SELENOI: variants seen among roughly 807,000 people sequenced by gnomAD.
The protein encoded by SELENOI is ethanolaminephosphotransferase 1.
Under a neutral mutation model 50.7 loss-of-function variants are expected in SELENOI, and 24 were observed. The observed-to-expected ratio is 0.47, with a 90% CI of 0.34 to 0.67. SELENOI has a LOEUF of 0.67. Ranked by LOEUF, SELENOI falls within the 30% of genes least tolerant of loss-of-function variation. SELENOI has a pLI of 0.01. For synonymous variants in SELENOI, 155 were observed against 170.2 expected (o/e 0.91, Z 0.70); for missense variants, 352 against 461.4 (o/e 0.76, Z 2.17).
rs1281209126 is a variant in SELENOI, at chr2:26,346,146, A to T, written c.-87A>T. ...CTTCTCGGGCAGCCCAGTCTTTGCC[A>T]TCCTTGCCCAGCCGGTGTGGTGCTT... On this transcript the variant is annotated 5_prime_UTR_variant, in exon 1 of 10. Transcript: ENST00000260585. 2 of 1,604,724 alleles carry T rather than the reference A, an allele frequency of 1.2e-6. No homozygotes were observed. Among genetic ancestry groups the T allele is most frequent in the East Asian group, 4.5e-5 (2 of 44,456 alleles).
chr2:26,387,470 C>T (rs981695967), intron 9 of SELENOI, among the ~76,000 whole-genome samples: 1 of 151,684 alleles, frequency 6.6e-6, no homozygotes, highest in Non-Finnish European at 1.5e-5. Context: ...GCGGGTGGAT[C>T]GCTTTAGCTC....
At position 26,390,696 on chromosome 2, in the gene SELENOI, T is replaced by G. The variant is rs1357800483; in HGVS notation, c.*1593T>G. 2.0e-5 allele frequency: 3 copies of G among 152,246 alleles called. No homozygotes were observed. The highest frequency in any genetic ancestry group is 4.4e-5 in the Non-Finnish European group (3 of 68,042). The allele number at this position is 152,246 out of a possible 1,614,324, so 9.4% of individuals were successfully genotyped here. The stretch of plus-strand genomic sequence containing the variant: ...AAGGTTGAGGTGTATTTGGTGACTT[T>G]CTCTGAGACACAGATGAACGTTGGA... On this transcript the variant is annotated 3_prime_UTR_variant, in exon 10 of 10. Coordinates refer to ENST00000260585, the MANE Select transcript of SELENOI (RefSeq NM_033505.4).
At chr2:26,366,704 T>C (rs1677293089) in intron 3 of SELENOI, among the ~76,000 whole-genome samples, 1 of 152,216 alleles carries the variant, frequency 6.6e-6, no homozygotes, top group Admixed American at 6.5e-5. Flanking sequence ...GTTGAGGTGA[T>C]CTATCTATAC....
At chr2:26,373,838 T>C (rs969754793) in intron 5 of SELENOI, among the ~76,000 whole-genome samples, 2 of 152,172 alleles carry the variant, frequency 1.3e-5, no homozygotes, top group African/African-American at 2.4e-5. Context: ...GTAGAGAGAA[T>C]AGACCCTAAT....
intron 6 of SELENOI, among the ~76,000 whole-genome samples, chr2:26,375,492 T>C (rs1264321789): frequency 6.6e-6 from 1 of 152,242 alleles, no homozygotes; most frequent in African/African-American, 2.4e-5. Flanking sequence ...TACTAGTTTG[T>C]ATGAAATACA....
chr2:26,393,281 A>C lies in SELENOI; in HGVS notation c.*4178A>C, dbSNP rs1678011451. The C allele has an allele frequency of 1.3e-5, 2 of 152,634 alleles. No individual in the cohort carries two copies. The highest frequency in any genetic ancestry group is 4.8e-5 in the African/African-American group (2 of 41,456). The allele number at this position is 152,634 out of a possible 1,614,324, so 9.5% of individuals were successfully genotyped here. A position where few individuals can be genotyped will look rare whatever the true frequency, so the allele number is the denominator to read the frequency against. ...TTGGATTTGTTGGCTCTTCATTTCCAGTGTTTCTACAGTGCAGAATAAATG... is the reference window on the plus strand; with the variant it reads ...TTGGATTTGTTGGCTCTTCATTTCCCGTGTTTCTACAGTGCAGAATAAATG... On this transcript the variant is annotated 3_prime_UTR_variant, in exon 10 of 10. Coordinates refer to ENST00000260585, the MANE Select transcript of SELENOI (RefSeq NM_033505.4).
intron 5 of SELENOI, 115 bp from the exon 6 acceptor site, chr2:26,374,925 C>A: frequency 2.9e-6 from 2 of 690,296 alleles, no homozygotes; most frequent in Non-Finnish European, 2.5e-6. Context: ...TATAAGCATA[C>A]TTCTTGCCTT....
At chr2:26,374,569 T>A (rs1275189902) in intron 5 of SELENOI, among the ~76,000 whole-genome samples, 1 of 148,012 alleles carries the variant, frequency 6.8e-6, no homozygotes, top group Non-Finnish European at 1.5e-5. Flanking sequence ...AGATTGTATT[T>A]TTTTTTTTTT....
intron 6 of SELENOI, among the ~76,000 whole-genome samples, chr2:26,378,472 A>C (rs1295104623): frequency 6.6e-6 from 1 of 152,220 alleles, no homozygotes; most frequent in African/African-American, 2.4e-5. Context: ...GCATATACTC[A>C]GATTTAGAAT....
At chr2:26,362,753 C>CA (rs1373418936) in intron 1 of SELENOI, among the ~76,000 whole-genome samples, 13 of 141,460 alleles carry the variant, frequency 9.2e-5, no homozygotes, top group African/African-American at 2.4e-4. Flanking sequence ...GACTCTGTCT[C>CA]AAAAAAAAGA....
Position 26,389,275 on chromosome 2 carries a change from CTA to C in SELENOI, c.*173_*174del. 1 of 547,686 alleles carries C rather than the reference CTA, an allele frequency of 1.8e-6. No individual in the cohort carries two copies. Among genetic ancestry groups the C allele is most frequent in the Admixed American group, 3.1e-5 (1 of 32,256 alleles). 33.9% of individuals were successfully genotyped at this position (547,686 alleles called of 1,614,324 possible). On this transcript the variant is annotated 3_prime_UTR_variant, in exon 10 of 10. Transcript: ENST00000260585. The stretch of plus-strand genomic sequence containing the variant: ...TTGGGAAATTTTGGACCTACTAACT[CTA>C]AGCCTATTTTATTTTTTATAAAACT...
rs1178733730 is a variant in SELENOI at position 26,364,362 on chromosome 2, A to G, written c.118A>G (p.Ile40Val). 1.3e-6 allele frequency: 2 copies of G among 1,549,522 alleles called. No homozygotes were observed. Among genetic ancestry groups the G allele is most frequent in the Admixed American group, 1.9e-5 (1 of 52,090 alleles). ...LYVMHPFWNTIVKVFPTWLAP... is the reference protein window; with the variant it reads ...LYVMHPFWNTVVKVFPTWLAP... Reference sequence around the variant, plus strand: ...TGTCATGCATCCATTCTGGAACACTATAGTAAAGGTAAGATAATTAATATG... The same window carrying G: ...TGTCATGCATCCATTCTGGAACACTGTAGTAAAGGTAAGATAATTAATATG... Residue 40 changes from isoleucine to valine, a missense_variant, in exon 2 of 10, where the codon ATA (isoleucine) becomes GTA (valine). Transcript: ENST00000260585.
intron 1 of SELENOI, among the ~76,000 whole-genome samples, chr2:26,356,339 T>G (rs1403300114): frequency 1.3e-5 from 2 of 152,136 alleles, no homozygotes; most frequent in Non-Finnish European, 2.9e-5. Context: ...TAGTAGAGCA[T>G]TACTTGGGGC....
intron 4 of SELENOI, among the ~76,000 whole-genome samples, chr2:26,372,758 G>A (rs989913892): frequency 4.6e-5 from 7 of 152,102 alleles, no homozygotes; most frequent in Admixed American, 1.3e-4. Context: ...TAGATTTGGA[G>A]GTATTCAGAC....
At chr2:26,347,218 A>G (rs1347005894) in intron 1 of SELENOI, among the ~76,000 whole-genome samples, 1 of 152,004 alleles carries the variant, frequency 6.6e-6, no homozygotes, top group African/African-American at 2.4e-5. Context: ...AGCCCTCCCT[A>G]CGTGCCCCTT....
rs574648394 is a variant in SELENOI, at chr2:26,378,006, C to T, written c.682+2858C>T. Among the ~76,000 whole-genome samples the T allele has an allele frequency of 1.8e-4, 27 of 152,048 alleles. 1 individual carries two copies. The South Asian group carries it at 5.2e-3, about 29-fold the overall frequency. Reference sequence around the variant, plus strand: ...TGGACACAGATGAAGAAATTTGTCCCATCACATTGTATTAAGTAGCTCTTG... The same window carrying T: ...TGGACACAGATGAAGAAATTTGTCCTATCACATTGTATTAAGTAGCTCTTG... On this transcript the variant is annotated intron_variant, in intron 6 of 9. Transcript: ENST00000260585.
At chr2:26,347,435 T>TA (rs879372265) in intron 1 of SELENOI, among the ~76,000 whole-genome samples, 2,031 of 139,518 alleles carry the variant, frequency 0.015, 44 homozygotes, top group African/African-American at 0.047. Flanking sequence ...TAACTCGAGT[T>TA]AAAAAAAAAA....
chr2:26,365,611 G>A (rs1358956785), intron 3 of SELENOI, among the ~76,000 whole-genome samples: 1 of 152,070 alleles, frequency 6.6e-6, no homozygotes, highest in Non-Finnish European at 1.5e-5. Flanking sequence ...AGATAGATGG[G>A]CATTTTTTGC....
At position 26,389,115 on chromosome 2, in the gene SELENOI, T is replaced by G; in HGVS notation, c.*12T>G. 1 of 1,538,768 alleles carries G rather than the reference T, an allele frequency of 6.5e-7. No homozygotes were observed. The highest frequency in any genetic ancestry group is 8.8e-7 in the Non-Finnish European group (1 of 1,131,592). On this transcript the variant is annotated 3_prime_UTR_variant, in exon 10 of 10. Transcript: ENST00000260585. ...ATATTGGCCTGTAATAATCTTTCTTTGGGCACAAAGAAGTACTGTAAATAA... is the reference window on the plus strand; with the variant it reads ...ATATTGGCCTGTAATAATCTTTCTTGGGGCACAAAGAAGTACTGTAAATAA...
Sources: allele counts gnomAD v4.1 joint callset (sites outside exome capture counted in the v4.1 genomes callset), GRCh38; gene constraint gnomAD v4.1.1; transcripts MANE v1.5; gene names NCBI Gene and HGNC (gene_info 2026-07-23, HGNC 2026-07-21).